MEGF10: variants seen among roughly 807,000 people sequenced by gnomAD.
MEGF10 encodes multiple epidermal growth factor-like domains protein 10.
In MEGF10, 86 loss-of-function variants were observed where a neutral mutation model predicts 147.5. That is an observed-to-expected ratio of 0.58 (90% CI 0.49 to 0.70). The LOEUF is 0.70. Ranked by LOEUF, MEGF10 falls within the 30% of genes least tolerant of loss-of-function variation. The pLI is 0.00. For missense variants in MEGF10, 1,329 were observed against 1,487.3 expected (o/e 0.89, Z 1.75); for synonymous variants, 478 against 525.5 (o/e 0.91, Z 1.24).
At chr5:127,335,424 A>G (rs979837488) in intron 2 of MEGF10, among the ~76,000 whole-genome samples, 1 of 152,176 alleles carries the variant, frequency 6.6e-6, no homozygotes, top group African/African-American at 2.4e-5. Flanking sequence ...GGAACTAATT[A>G]AGTTCCATCA....
intron 9 of MEGF10, among the ~76,000 whole-genome samples, chr5:127,416,185 G>A (rs1221243636): frequency 1.3e-5 from 2 of 151,728 alleles, no homozygotes; most frequent in African/African-American, 2.4e-5. Context: ...CCACCACCAC[G>A]CCCCGCTAAT....
At chr5:127,238,515 A>G in the MEGF10 span, among the ~76,000 whole-genome samples, 1 of 152,226 alleles carries the variant, frequency 6.6e-6, no homozygotes, top group Non-Finnish European at 1.5e-5. Context: ...CAGTGTTGAC[A>G]CCAGCCATAT....
intron 17 of MEGF10, 99 bp from the exon 18 acceptor site, chr5:127,440,640 T>G: frequency 7.9e-7 from 1 of 1,270,270 alleles, no homozygotes; most frequent in Non-Finnish European, 1.1e-6. Flanking sequence ...GATGGCTCAG[T>G]GTCATTCAAG....
intron 13 of MEGF10, among the ~76,000 whole-genome samples, chr5:127,425,524 T>C (rs980945286): frequency 3.9e-5 from 6 of 152,090 alleles, no homozygotes; most frequent in African/African-American, 1.2e-4. Context: ...TCCCTCACAA[T>C]TACAGAATAC....
rs1180220415 is a variant in MEGF10 at position 127,459,328 on chromosome 5, A to C, written c.*2010A>C. The C allele has an allele frequency of 6.6e-6, 1 of 152,210 alleles. No homozygotes were observed. The highest frequency in any genetic ancestry group is 1.5e-5 in the Non-Finnish European group (1 of 68,046). The allele number at this position is 152,210 out of a possible 1,614,324, so 9.4% of individuals were successfully genotyped here. A position where few individuals can be genotyped will look rare whatever the true frequency, so the allele number is the denominator to read the frequency against. ...GAGGAACTCCAAAGTCAATTCAAGG[A>C]AATAAGGAATGACCTGGAACAGGCC... On this transcript the variant is annotated 3_prime_UTR_variant, in exon 25 of 25. Transcript: ENST00000503335.
the MEGF10 span, among the ~76,000 whole-genome samples, chr5:127,284,751 T>A: frequency 1.6e-3 from 251 of 152,310 alleles, 1 homozygote; most frequent in Admixed American, 3.1e-3. Flanking sequence ...TTCTATTTTT[T>A]TAAGTGGGAA....
chr5:127,244,050 G>C, the MEGF10 span, among the ~76,000 whole-genome samples: 2 of 151,892 alleles, frequency 1.3e-5, no homozygotes, highest in Non-Finnish European at 2.9e-5. Flanking sequence ...TACAAAATTA[G>C]CTGGGCATGG....
chr5:127,336,787 C>T (rs1317461421), intron 2 of MEGF10, among the ~76,000 whole-genome samples: 1 of 151,998 alleles, frequency 6.6e-6, no homozygotes, highest in Non-Finnish European at 1.5e-5. Flanking sequence ...GTTTTTTCTC[C>T]CAACTGGCAT....
At chr5:127,330,352 T>C (rs1280326486) in intron 1 of MEGF10, among the ~76,000 whole-genome samples, 1 of 152,164 alleles carries the variant, frequency 6.6e-6, no homozygotes, top group Non-Finnish European at 1.5e-5. Flanking sequence ...TACTGCACAA[T>C]GGCTTATGAA....
At position 127,434,840 on chromosome 5, in the gene MEGF10, C is replaced by T. The variant is rs758270316; in HGVS notation, c.1975+19C>T. The T allele has an allele frequency of 5.6e-6, 9 of 1,607,540 alleles. No homozygotes were observed. Among genetic ancestry groups the T allele is most frequent in the East Asian group, 2.2e-5 (1 of 44,846 alleles). On this transcript the variant is annotated intron_variant, in intron 15 of 24. Coordinates refer to ENST00000503335, the MANE Select transcript of MEGF10 (RefSeq NM_001256545.2). ...AATGAAGGTAAGGCACGAAGCATCC[C>T]GGACAGCTGGGTGGTGATGAGCACG... is the stretch of plus-strand genomic sequence containing the variant.
intron 5 of MEGF10, among the ~76,000 whole-genome samples, chr5:127,383,176 T>C (rs1326782664): frequency 6.6e-6 from 1 of 152,222 alleles, no homozygotes; most frequent in East Asian, 1.9e-4. Flanking sequence ...AGTGAAAATT[T>C]GGAAACAACT....
intron 4 of MEGF10, among the ~76,000 whole-genome samples, chr5:127,342,836 T>A (rs991518258): frequency 5.9e-5 from 9 of 152,156 alleles, no homozygotes; most frequent in African/African-American, 2.2e-4. Context: ...GAGACTGCAA[T>A]ATTTTTTCCT....
chr5:127,405,833 CT>C (rs935549505), intron 8 of MEGF10, among the ~76,000 whole-genome samples: 13 of 151,668 alleles, frequency 8.6e-5, no homozygotes, highest in Middle Eastern at 3.4e-3. Context: ...CATTAAATGC[CT>C]TTTTTTCTTT....
the MEGF10 span, among the ~76,000 whole-genome samples, chr5:127,281,819 A>G: frequency 6.6e-6 from 1 of 152,352 alleles, no homozygotes; most frequent in African/African-American, 2.4e-5. Flanking sequence ...TGATGACCAC[A>G]ACCCGAGTTC....
intron 1 of MEGF10, among the ~76,000 whole-genome samples, chr5:127,326,565 C>T (rs1761043658): frequency 6.6e-6 from 1 of 152,150 alleles, no homozygotes; most frequent in African/African-American, 2.4e-5. Context: ...CTTTAATGCA[C>T]TGAAGCTGGA....
the MEGF10 span, among the ~76,000 whole-genome samples, chr5:127,271,293 C>T: frequency 6.6e-6 from 1 of 152,108 alleles, no homozygotes. Flanking sequence ...TTTTGATTTG[C>T]ATTTCTCTAA....
chr5:127,363,918 A>G (rs1368518728), intron 4 of MEGF10, among the ~76,000 whole-genome samples: 1 of 152,106 alleles, frequency 6.6e-6, no homozygotes, highest in East Asian at 1.9e-4. Context: ...CCCAAGTAAA[A>G]CGTTATGGAA....
At chr5:127,303,797 G>T (rs563792124) in intron 1 of MEGF10, among the ~76,000 whole-genome samples, 19 of 152,278 alleles carry the variant, frequency 1.2e-4, no homozygotes, top group African/African-American at 3.4e-4. Context: ...ATCCTGGCTT[G>T]CCCCATTGTT....
intron 13 of MEGF10, among the ~76,000 whole-genome samples, chr5:127,429,921 A>G (rs750870388): frequency 6.6e-6 from 1 of 152,078 alleles, no homozygotes; most frequent in African/African-American, 2.4e-5. Context: ...ACTCTATAGC[A>G]TGGCGCTCTT....
Sources: gnomAD v4.1 joint callset for allele counts (sites outside exome capture counted in the v4.1 genomes callset) on GRCh38, gnomAD v4.1.1 for gene constraint, MANE v1.5 for transcripts, NCBI Gene and HGNC (gene_info 2026-07-23, HGNC 2026-07-21) for gene names.